Variants in DSCAM observed in about 807,000 individuals in gnomAD.
DSCAM encodes DS cell adhesion molecule.
DSCAM carries 47 observed loss-of-function variants against 217.7 expected under a neutral mutation model. That is an observed-to-expected ratio of 0.22 (90% CI 0.17 to 0.28). DSCAM has a LOEUF of 0.28. DSCAM is among the 10% of genes least tolerant of loss of function. The pLI is 1.00. For missense variants in DSCAM, 2,080 were observed against 2,618.3 expected, an observed-to-expected ratio of 0.79 and a Z score of 4.49; for synonymous variants, 1,056 against 1,015.3, an observed-to-expected ratio of 1.04 and a Z score of -0.76.
chr21:40,472,522 T>C (rs1014952887), intron 3 of DSCAM, among the ~76,000 whole-genome samples: 1 of 152,234 alleles, frequency 6.6e-6, no homozygotes, highest in African/African-American at 2.4e-5. Context: ...GGATATACTG[T>C]TTCCCAAATG....
chr21:40,080,041 A>G, intron 25 of DSCAM, 111 bp downstream of exon 25: 1 of 1,050,286 alleles, frequency 9.5e-7, no homozygotes, highest in South Asian at 1.6e-5. Flanking sequence ...GTGAGGAATG[A>G]CAAAGTTCAA....
At chr21:40,748,245 G>A (rs778976214) in intron 1 of DSCAM, among the ~76,000 whole-genome samples, 13 of 151,826 alleles carry the variant, frequency 8.6e-5, no homozygotes, top group African/African-American at 1.2e-4. Flanking sequence ...GAAAGAAAAG[G>A]CATCCAAATT....
intron 6 of DSCAM, among the ~76,000 whole-genome samples, chr21:40,341,677 T>A (rs888657219): frequency 1.3e-5 from 2 of 152,198 alleles, no homozygotes; most frequent in Non-Finnish European, 2.9e-5. Flanking sequence ...AGAAGAAACA[T>A]AATAATAGAG....
chr21:40,237,402 C>G (rs544092813), intron 11 of DSCAM, among the ~76,000 whole-genome samples: 86 of 152,192 alleles, frequency 5.7e-4, no homozygotes, highest in African/African-American at 2.0e-3. Context: ...GTGTGATGTT[C>G]CCCTCCCTGT....
At chr21:40,565,114 T>C (rs530087564) in intron 3 of DSCAM, among the ~76,000 whole-genome samples, 17 of 152,174 alleles carry the variant, frequency 1.1e-4, no homozygotes, top group Non-Finnish European at 1.9e-4. Flanking sequence ...GTATGCCTGC[T>C]GCCTTCCAGT....
intron 3 of DSCAM, among the ~76,000 whole-genome samples, chr21:40,664,021 A>G (rs1299082011): frequency 6.6e-6 from 1 of 152,218 alleles, no homozygotes. Flanking sequence ...ATATGTTTTC[A>G]GATATCAGTC....
At position 40,325,121 on chromosome 21, in the gene DSCAM, C is replaced by T. The variant is rs2074303594; in HGVS notation, c.1784-12762G>A. ...AGAAAAGGTCATAGCTCTTTAGAAG[C>T]TTGGTTAATAATAACTGACTTGAAG... is the stretch of plus-strand genomic sequence containing the variant. On this transcript the variant is annotated intron_variant, in intron 8 of 32. Coordinates refer to ENST00000400454, the MANE Select transcript of DSCAM (RefSeq NM_001389.5). Among the ~76,000 whole-genome samples, 3 of 152,054 alleles carry T rather than the reference C, an allele frequency of 2.0e-5. 1 individual carries two copies. Among genetic ancestry groups the T allele is most frequent in the South Asian group, 2.1e-4 (1 of 4,830 alleles).
chr21:40,044,094 G>A lies in DSCAM; in HGVS notation c.5367C>T (p.Ser1789=). The A allele has an allele frequency of 6.2e-7, 1 of 1,613,676 alleles. No homozygotes were observed. The highest frequency in any genetic ancestry group is 8.5e-7 in the Non-Finnish European group (1 of 1,180,024). ...AGGGCCTACCTGTGTCTTGCGAGGGGCTGACGCTGTAACTGTCGCTCTCTT... is the reference window on the plus strand; with the variant it reads ...AGGGCCTACCTGTGTCTTGCGAGGGACTGACGCTGTAACTGTCGCTCTCTT... The part of the protein sequence containing the change: ...VDKESDSYSV[S]PSQDTDRARS... The change falls in exon 31 of 33, where the codon AGC becomes AGT. Residue 1789 remains serine (S), a synonymous_variant. Coordinates refer to ENST00000400454, the MANE Select transcript of DSCAM (RefSeq NM_001389.5).
chr21:40,643,489 C>T (rs995006537), intron 3 of DSCAM, among the ~76,000 whole-genome samples: 1 of 152,204 alleles, frequency 6.6e-6, no homozygotes, highest in African/African-American at 2.4e-5. Context: ...AAACTACCTC[C>T]ACAGGTCACC....
At chr21:40,643,670 CAG>C (rs2089909803) in intron 3 of DSCAM, among the ~76,000 whole-genome samples, 2 of 152,150 alleles carry the variant, frequency 1.3e-5, no homozygotes, top group Non-Finnish European at 1.5e-5. Flanking sequence ...GATTTGTAGA[CAG>C]AGTCTTCAAG....
At chr21:40,829,406 C>T (rs560465871) in intron 1 of DSCAM, among the ~76,000 whole-genome samples, 1 of 152,132 alleles carries the variant, frequency 6.6e-6, no homozygotes, top group Non-Finnish European at 1.5e-5. Flanking sequence ...AGAGCCCACT[C>T]GAGGTTTGTG....
At chr21:40,429,767 G>A (rs547836594) in intron 3 of DSCAM, among the ~76,000 whole-genome samples, 2 of 152,276 alleles carry the variant, frequency 1.3e-5, no homozygotes, top group East Asian at 3.9e-4. Context: ...ATTAAGTGCT[G>A]GCTATTATTA....
chr21:40,418,336 A>G (rs1397790922), intron 3 of DSCAM, among the ~76,000 whole-genome samples: 1 of 152,208 alleles, frequency 6.6e-6, no homozygotes, highest in African/African-American at 2.4e-5. Context: ...AAAATCTTCT[A>G]AGAGTTTAAG....
intron 11 of DSCAM, among the ~76,000 whole-genome samples, chr21:40,192,444 C>T (rs2090961759): frequency 6.6e-6 from 1 of 152,188 alleles, no homozygotes; most frequent in South Asian, 2.1e-4. Context: ...GCCCTTTACT[C>T]TGCACTTCCC....
chr21:40,373,235 A>C (rs929968855), intron 3 of DSCAM, among the ~76,000 whole-genome samples: 13 of 152,218 alleles, frequency 8.5e-5, no homozygotes, highest in African/African-American at 3.1e-4. Flanking sequence ...TCTGAGCCGC[A>C]GAAAGCAGGC....
intron 8 of DSCAM, among the ~76,000 whole-genome samples, chr21:40,328,389 G>A (rs2074340553): frequency 6.6e-6 from 1 of 151,994 alleles, no homozygotes; most frequent in African/African-American, 2.4e-5. Context: ...TCAGTAAATG[G>A]TGTTGGGGAA....
chr21:40,540,911 A>T (rs2146131877), intron 3 of DSCAM, among the ~76,000 whole-genome samples: 2 of 150,438 alleles, frequency 1.3e-5, no homozygotes, highest in East Asian at 1.9e-4. Context: ...TTTTTTTTTT[A>T]AAGATGGGGT....
intron 4 of DSCAM, among the ~76,000 whole-genome samples, chr21:40,357,718 C>T (rs796118517): frequency 1.7e-4 from 25 of 150,922 alleles, no homozygotes; most frequent in African/African-American, 3.2e-4. Flanking sequence ...TTGTGGGGTG[C>T]GGGGAGGGGG....
chr21:40,713,280 C>A (rs191954309), intron 1 of DSCAM, among the ~76,000 whole-genome samples: 21 of 152,194 alleles, frequency 1.4e-4, no homozygotes, highest in African/African-American at 4.8e-4. Context: ...GTTACCAGGG[C>A]CAAAGGCTTC....
Sources: gnomAD v4.1 joint callset for allele counts (sites outside exome capture counted in the v4.1 genomes callset) on GRCh38, gnomAD v4.1.1 for gene constraint, MANE v1.5 for transcripts, NCBI Gene and HGNC (gene_info 2026-07-23, HGNC 2026-07-21) for gene names.